The following ERG variants were observed in gnomAD, a reference collection of about 807,000 sequenced individuals.
ERG encodes transcriptional regulator ERG.
In ERG, 9 loss-of-function variants were observed where a neutral mutation model predicts 55.3. That is an observed-to-expected ratio of 0.16 (90% confidence interval 0.10 to 0.28). The LOEUF (loss-of-function observed/expected upper bound fraction) is 0.28. Ranked by LOEUF, ERG falls within the 10% of genes least tolerant of loss-of-function variation. ERG has a pLI of 1.00. For synonymous variants in ERG, 223 were observed against 237.3 expected, an observed-to-expected ratio of 0.94 and a Z score of 0.55; for missense variants, 434 against 631.6, an observed-to-expected ratio of 0.69 and a Z score of 3.35.
At chr21:38,467,866 C>G (rs186717549) in intron 1 of ERG, among the ~76,000 whole-genome samples, 50 of 152,332 alleles carry the variant, frequency 3.3e-4, no homozygotes, top group Non-Finnish European at 1.2e-4. Flanking sequence ...TATATGCACA[C>G]TTACGGCATG....
At chr21:38,431,564 G>T (rs1170010774) in intron 2 of ERG, among the ~76,000 whole-genome samples, 1 of 152,156 alleles carries the variant, frequency 6.6e-6, no homozygotes, top group Non-Finnish European at 1.5e-5. Context: ...AGAGATGAAA[G>T]CAGCCCACTG....
the ERG span, chr21:38,367,528 T>C: frequency 8.8e-6 from 4 of 453,268 alleles, no homozygotes; most frequent in Middle Eastern, 4.9e-4. Flanking sequence ...TGGCAGTCTC[T>C]TCCCCCAGAA....
At chr21:38,640,764 C>T (rs2060419647) in intron 1 of ERG, among the ~76,000 whole-genome samples, 1 of 152,006 alleles carries the variant, frequency 6.6e-6, no homozygotes. Context: ...TGGACTAATA[C>T]AAAGTCCAAA....
At chr21:38,432,831 C>T (rs891778224) in intron 2 of ERG, among the ~76,000 whole-genome samples, 1 of 152,240 alleles carries the variant, frequency 6.6e-6, no homozygotes, top group Non-Finnish European at 1.5e-5. Context: ...CACCGCCCCA[C>T]TCTATGCCCT....
intron 2 of ERG, among the ~76,000 whole-genome samples, chr21:38,441,969 C>G (rs989633495): frequency 1.3e-5 from 2 of 152,214 alleles, no homozygotes; most frequent in African/African-American, 4.8e-5. Flanking sequence ...GGTCTTCACT[C>G]GGTATCCACC....
At chr21:38,448,863 C>T (rs2058915638) in intron 1 of ERG, among the ~76,000 whole-genome samples, 1 of 152,176 alleles carries the variant, frequency 6.6e-6, no homozygotes, top group Non-Finnish European at 1.5e-5. Flanking sequence ...AGGATTAAAA[C>T]CAGAAAAAGA....
At chr21:38,402,506 T>C in intron 5 of ERG, 51 bp downstream of exon 5, 1 of 1,388,570 alleles carries the variant, frequency 7.2e-7, no homozygotes, top group African/African-American at 1.4e-5. Context: ...ATGCAACCTG[T>C]ACGTAAGACC....
intron 1 of ERG, among the ~76,000 whole-genome samples, chr21:38,591,141 A>G (rs2060098113): frequency 6.6e-6 from 1 of 152,214 alleles, no homozygotes; most frequent in East Asian, 1.9e-4. Flanking sequence ...TAAGTCATGG[A>G]AGCCAAGGAA....
intron 2 of ERG, among the ~76,000 whole-genome samples, chr21:38,441,743 C>G (rs551346074): frequency 1.3e-4 from 20 of 152,300 alleles, no homozygotes; most frequent in African/African-American, 4.8e-4. Flanking sequence ...TGGTTGACAT[C>G]TGTACATTGC....
chr21:38,452,338 CAT>C (rs1462231606), intron 1 of ERG, among the ~76,000 whole-genome samples: 2 of 151,922 alleles, frequency 1.3e-5, no homozygotes, highest in South Asian at 2.1e-4. Context: ...TACATATATA[CAT>C]ACACACACAT....
chr21:38,575,978 G>T (rs756570755), intron 1 of ERG, among the ~76,000 whole-genome samples: 1 of 152,338 alleles, frequency 6.6e-6, no homozygotes, highest in Admixed American at 6.5e-5. Context: ...ACCCTAGTCC[G>T]ACAGGACAGA....
chr21:38,367,910 C>T, the ERG span, among the ~76,000 whole-genome samples: 2 of 152,178 alleles, frequency 1.3e-5, no homozygotes, highest in African/African-American at 4.8e-5. Flanking sequence ...CACAACATTG[C>T]TGAACACTGC....
chr21:38,382,278 C>T lies in ERG; in HGVS notation c.*1125G>A. On this transcript the variant is annotated 3_prime_UTR_variant, in exon 10 of 10. Transcript: ENST00000288319. ...TGTATACTTCATTCTGACAAACGCA[C>T]AGCGTTCGCGACTCAAAGGAAAACT... 1 of 1,053,076 alleles carries T rather than the reference C, an allele frequency of 9.5e-7. No individual in the cohort carries two copies. The highest frequency in any genetic ancestry group is 1.1e-6 in the Non-Finnish European group (1 of 871,310). 65.2% of individuals were successfully genotyped at this position (1,053,076 alleles called of 1,614,324 possible).
chr21:38,496,396 C>G (rs544718139), intron 1 of ERG, among the ~76,000 whole-genome samples: 10 of 152,160 alleles, frequency 6.6e-5, no homozygotes, highest in South Asian at 2.1e-4. Flanking sequence ...TTGGGCTTTG[C>G]GCTAACGTAA....
chr21:38,497,339 C>T (rs1568855865), intron 1 of ERG, among the ~76,000 whole-genome samples: 1 of 152,230 alleles, frequency 6.6e-6, no homozygotes, highest in African/African-American at 2.4e-5. Context: ...TATGAAAACA[C>T]CACCAAATGC....
At chr21:38,496,830 C>CA (rs2059383537) in intron 1 of ERG, among the ~76,000 whole-genome samples, 1 of 152,122 alleles carries the variant, frequency 6.6e-6, no homozygotes, top group Non-Finnish European at 1.5e-5. Flanking sequence ...ATTTCAATGT[C>CA]CTTTTTAATG....
intron 1 of ERG, among the ~76,000 whole-genome samples, chr21:38,591,602 G>C (rs1387487679): frequency 6.6e-6 from 1 of 152,172 alleles, no homozygotes; most frequent in Non-Finnish European, 1.5e-5. Flanking sequence ...TGAGGCAAGA[G>C]AATCACTTGA....
chr21:38,414,137 C>T (rs1989179418), intron 3 of ERG, among the ~76,000 whole-genome samples: 1 of 152,146 alleles, frequency 6.6e-6, no homozygotes, highest in Non-Finnish European at 1.5e-5. Context: ...GCTTCTGGTG[C>T]TGTCCAGCAA....
At chr21:38,582,459 G>T (rs1380361334) in intron 1 of ERG, among the ~76,000 whole-genome samples, 1 of 150,722 alleles carries the variant, frequency 6.6e-6, no homozygotes, top group South Asian at 2.1e-4. Context: ...TGGGAAACAT[G>T]AATAAAAAAT....
Sources: allele counts gnomAD v4.1 joint callset (sites outside exome capture counted in the v4.1 genomes callset), GRCh38; gene constraint gnomAD v4.1.1; transcripts MANE v1.5; gene names NCBI Gene and HGNC (gene_info 2026-07-23, HGNC 2026-07-21).